The following CERS6 variants were observed in gnomAD, a reference collection of about 807,000 sequenced individuals.
CERS6 encodes the protein LAG1 homolog, ceramide synthase 6.
A neutral mutation model predicts 56.8 loss-of-function variants in CERS6; 26 were observed. That is an observed-to-expected ratio of 0.46 (90% CI 0.34 to 0.63). The LOEUF (loss-of-function observed/expected upper bound fraction) is 0.63, where lower values mean the gene tolerates loss of function less well. CERS6 is among the 30% of genes least tolerant of loss of function. The pLI, the probability that CERS6 is intolerant of heterozygous loss-of-function variation, is 0.01. For missense variants in CERS6, 415 were observed against 467.5 expected (o/e 0.89, Z 1.04); for synonymous variants, 164 against 173.3 (o/e 0.95, Z 0.42).
chr2:168,470,123 G>T (rs957725443), intron 1 of CERS6, among the ~76,000 whole-genome samples: 6 of 150,748 alleles, frequency 4.0e-5, no homozygotes, highest in Non-Finnish European at 8.8e-5. Context: ...AGTAACTCAT[G>T]CCTGTAATCT....
intron 4 of CERS6, among the ~76,000 whole-genome samples, chr2:168,674,959 C>CTTAT (rs59783108): frequency 9.0e-4 from 134 of 148,524 alleles, no homozygotes; most frequent in South Asian, 6.8e-3. Flanking sequence ...TTTACATTAC[C>CTTAT]TTATTTATTT....
At chr2:168,558,641 G>A (rs1408879779) in intron 2 of CERS6, among the ~76,000 whole-genome samples, 2 of 152,180 alleles carry the variant, frequency 1.3e-5, no homozygotes, top group East Asian at 1.9e-4. Flanking sequence ...AGGCCAAGGC[G>A]GGTGGATCAC....
intron 4 of CERS6, among the ~76,000 whole-genome samples, chr2:168,673,528 GA>G (rs1685976145): frequency 6.6e-6 from 1 of 152,220 alleles, no homozygotes; most frequent in Non-Finnish European, 1.5e-5. Context: ...TGGTGGTGGT[GA>G]AATTTAGGGC....
intron 8 of CERS6, among the ~76,000 whole-genome samples, chr2:168,754,576 G>C (rs1339467098): frequency 2.0e-5 from 3 of 152,070 alleles, no homozygotes; most frequent in Non-Finnish European, 4.4e-5. Flanking sequence ...AAGATGGGTG[G>C]AATTTGATCC....
intron 3 of CERS6, among the ~76,000 whole-genome samples, chr2:168,581,590 T>A (rs545541265): frequency 1.3e-5 from 2 of 152,280 alleles, no homozygotes; most frequent in South Asian, 4.1e-4. Flanking sequence ...AGTTTTTAGT[T>A]TGGTTAATAT....
intron 8 of CERS6, among the ~76,000 whole-genome samples, chr2:168,753,417 G>T (rs1283774173): frequency 1.3e-5 from 2 of 152,168 alleles, no homozygotes; most frequent in Non-Finnish European, 2.9e-5. Context: ...TTTCTTTCAT[G>T]CTTGTGAAGC....
intron 8 of CERS6, among the ~76,000 whole-genome samples, chr2:168,743,236 G>A (rs1160631877): frequency 6.8e-6 from 1 of 146,280 alleles, no homozygotes; most frequent in African/African-American, 2.7e-5. Flanking sequence ...ATATATATAT[G>A]TGTGTGTGTA....
rs888596835 is a variant in CERS6, at chr2:168,579,710, T to G, written c.407+18388T>G. 6.2e-4 allele frequency among the ~76,000 whole-genome samples: 94 copies of G among 152,340 alleles called. 1 individual carries two copies. The highest frequency in any genetic ancestry group is 2.2e-3 in the African/African-American group (91 of 41,580). On this transcript the variant is annotated intron_variant, in intron 3 of 9. Coordinates refer to ENST00000305747, the MANE Select transcript of CERS6 (RefSeq NM_203463.3). ...AGCCCTCCCCGTCTCTGCTGTGCTC[T>G]GGATTAAGATCCAATCTGGAAACCC...
intron 8 of CERS6, among the ~76,000 whole-genome samples, chr2:168,734,172 T>C (rs1683640190): frequency 6.6e-6 from 1 of 152,166 alleles, no homozygotes; most frequent in Non-Finnish European, 1.5e-5. Context: ...CAAGGGATTC[T>C]GGTATAGGAG....
chr2:168,458,509 TTTTC>T (rs1693718019), intron 1 of CERS6, among the ~76,000 whole-genome samples: 1 of 152,234 alleles, frequency 6.6e-6, no homozygotes, highest in Non-Finnish European at 1.5e-5. Context: ...ACATTTTTTA[TTTTC>T]TTTCTTTTTT....
chr2:168,631,576 T>TATATTTAATATTTATATATTAAATATATA (rs1574113723), intron 4 of CERS6, among the ~76,000 whole-genome samples: 25 of 66,648 alleles, frequency 3.8e-4, no homozygotes, highest in South Asian at 1.2e-3. Context: ...TTAAATATAA[T>TATATTTAATATTTATATATTAAATATATA]ATATATTTAA....
intron 3 of CERS6, among the ~76,000 whole-genome samples, chr2:168,597,710 A>G (rs543120311): frequency 6.6e-6 from 1 of 152,234 alleles, no homozygotes; most frequent in Non-Finnish European, 1.5e-5. Context: ...ATTGATATGT[A>G]TATTAATAAC....
intron 4 of CERS6, among the ~76,000 whole-genome samples, chr2:168,645,183 A>AGAGAGAGAGAGAGT (rs1685165620): frequency 4.3e-5 from 5 of 115,364 alleles, no homozygotes; most frequent in Non-Finnish European, 8.6e-5. Flanking sequence ...AGAGAGAGAG[A>AGAGAGAGAGAGAGT]GAGAGAGTAA....
intron 1 of CERS6, among the ~76,000 whole-genome samples, chr2:168,520,438 A>T (rs1332830686): frequency 6.6e-6 from 1 of 151,858 alleles, no homozygotes; most frequent in Non-Finnish European, 1.5e-5. Flanking sequence ...GTTTAATTAG[A>T]TCCCACTTGT....
In CERS6 at chr2:168,512,873, G is replaced by C. The variant is rs191932323; in HGVS notation, c.171-34723G>C. 2.4e-3 allele frequency among the ~76,000 whole-genome samples: 371 copies of C among 151,970 alleles called. 3 individuals carry two copies. Among genetic ancestry groups the C allele is most frequent in the African/African-American group, 8.5e-3 (354 of 41,450 alleles). Reference sequence around the variant, plus strand: ...AGTAGAGATGGGGTTTCACCATGTTGGCCAGGCTGGTCTCGAACTGCTGAC... The same window carrying C: ...AGTAGAGATGGGGTTTCACCATGTTCGCCAGGCTGGTCTCGAACTGCTGAC... On this transcript the variant is annotated intron_variant, in intron 1 of 9. Coordinates refer to ENST00000305747, the MANE Select transcript of CERS6 (RefSeq NM_203463.3).
chr2:168,702,376 C>T (rs1055872841), intron 6 of CERS6, among the ~76,000 whole-genome samples: 8 of 152,096 alleles, frequency 5.3e-5, no homozygotes, highest in Admixed American at 5.2e-4. Context: ...GTGTATTTGA[C>T]AGACATTGTC....
Position 168,609,643 on chromosome 2 carries a change from G to A in CERS6, c.408-21342G>A, listed in dbSNP as rs989004793. 4.6e-5 allele frequency among the ~76,000 whole-genome samples: 7 copies of A among 152,130 alleles called. No homozygotes were observed. The South Asian group carries it at 1.0e-3, about 23-fold the overall frequency. The stretch of plus-strand genomic sequence containing the variant: ...CCCTGTTGAGAGCCACTGAAGCCTT[G>A]CCCATTTTTCCCTGCTCTGTGTTAC... On this transcript the variant is annotated intron_variant, in intron 3 of 9. Coordinates refer to ENST00000305747, the MANE Select transcript of CERS6 (RefSeq NM_203463.3).
chr2:168,731,908 T>C (rs531042453), intron 8 of CERS6, among the ~76,000 whole-genome samples: 57 of 152,338 alleles, frequency 3.7e-4, no homozygotes, highest in African/African-American at 1.3e-3. Context: ...CACTGCATTA[T>C]GTTAGGAGCA....
chr2:168,717,822 T>C, intron 7 of CERS6, 50 bp from the exon 8 acceptor site: 2 of 1,410,290 alleles, frequency 1.4e-6, no homozygotes, highest in Non-Finnish European at 2.0e-6. Context: ...AAAGAAACTT[T>C]TTATTATCAG....
Sources: gnomAD v4.1 joint callset for allele counts (sites outside exome capture counted in the v4.1 genomes callset) on GRCh38, gnomAD v4.1.1 for gene constraint, MANE v1.5 for transcripts, NCBI Gene and HGNC (gene_info 2026-07-23, HGNC 2026-07-21) for gene names.